PHLDB3: variants seen among roughly 807,000 people sequenced by gnomAD.
PHLDB3 encodes pleckstrin homology like domain family B member 3.
A neutral mutation model predicts 85.7 loss-of-function variants in PHLDB3; 86 were observed. The ratio of observed to expected loss-of-function variants is 1.00; its 90% CI spans 0.84 to 1.20. The LOEUF (loss-of-function observed/expected upper bound fraction) is 1.20, where lower values mean the gene tolerates loss of function less well. Among genes scored for constraint, PHLDB3 ranks in the 50% most tolerant of loss-of-function variants. PHLDB3 has a pLI of 0.00. For synonymous variants in PHLDB3, 376 were observed against 349.8 expected (o/e 1.07, Z -0.83); for missense variants, 995 against 873.0 (o/e 1.14, Z -1.76).
rs754699738 is a variant in PHLDB3, at chr19:43,486,713, C to T, written c.1341-17G>A. The stretch of plus-strand genomic sequence containing the variant: ...GCCCCACAGCTAGGAGGAGGGAACA[C>T]AGACGGGGTGGGTTACAGTGGCTGG... On this transcript the variant is annotated splice_polypyrimidine_tract_variant and intron_variant, in intron 11 of 15. Coordinates refer to ENST00000292140, the MANE Select transcript of PHLDB3 (RefSeq NM_198850.4). The T allele has an allele frequency of 1.2e-6, 2 of 1,613,622 alleles. No individual in the cohort carries two copies. Among genetic ancestry groups the T allele is most frequent in the African/African-American group, 1.3e-5 (1 of 74,928 alleles).
chr19:43,500,909 A>ACCCCCCCCCCCCC (rs1248570317), intron 4 of PHLDB3, among the ~76,000 whole-genome samples: 14 of 17,146 alleles, frequency 8.2e-4, no homozygotes, highest in Non-Finnish European at 1.0e-3. Context: ...CGCCCCCCGT[A>ACCCCCCCCCCCCC]CCCCCCCCCC....
chr19:43,475,241 C>T lies in PHLDB3; in HGVS notation c.*169G>A. ...CCGTCGGGGGCAAGGCACCTGCAAC[C>T]CAGAACGCAGCAGCTCAGGCCAGCT... is the stretch of plus-strand genomic sequence containing the variant. On this transcript the variant is annotated 3_prime_UTR_variant, in exon 16 of 16. Coordinates refer to ENST00000292140, the MANE Select transcript of PHLDB3 (RefSeq NM_198850.4). The T allele has an allele frequency of 2.1e-6, 2 of 965,692 alleles. No homozygotes were observed. The highest frequency in any genetic ancestry group is 1.8e-5 in the South Asian group (1 of 56,824). The allele number at this position is 965,692 out of a possible 1,614,324, so 59.8% of individuals were successfully genotyped here.
intron 9 of PHLDB3, among the ~76,000 whole-genome samples, chr19:43,494,146 G>A (rs1047880811): frequency 1.3e-5 from 2 of 152,026 alleles, no homozygotes; most frequent in Non-Finnish European, 2.9e-5. Context: ...TAATTCTCGT[G>A]CCTCAGCCCT....
chr19:43,493,521 G>A (rs1971371085), intron 9 of PHLDB3, among the ~76,000 whole-genome samples: 5 of 151,720 alleles, frequency 3.3e-5, no homozygotes, highest in Admixed American at 3.3e-4. Flanking sequence ...GTGCATGCCT[G>A]TGGTCCCAGC....
intron 10 of PHLDB3, 57 bp from the exon 11 acceptor site, chr19:43,486,927 A>T (rs975436473): frequency 2.0e-6 from 3 of 1,482,526 alleles, no homozygotes; most frequent in Non-Finnish European, 2.7e-6. Flanking sequence ...GAGCCTATCC[A>T]CTTCTCCCCT....
chr19:43,500,958 G>A (rs1363107867), intron 4 of PHLDB3, among the ~76,000 whole-genome samples: 3 of 131,424 alleles, frequency 2.3e-5, no homozygotes, highest in Non-Finnish European at 4.6e-5. Flanking sequence ...GAGCCACTTG[G>A]CCCAGCCTAA....
At position 43,497,188 on chromosome 19, in the gene PHLDB3, C is replaced by T. The variant is rs566239267; in HGVS notation, c.755G>A (p.Arg252Gln). 6.4e-6 allele frequency: 10 copies of T among 1,566,988 alleles called. No individual in the cohort carries two copies. Among genetic ancestry groups the T allele is most frequent in the East Asian group, 4.8e-5 (2 of 41,822 alleles). Residue 252 changes from arginine (R) to glutamine (Q), a missense_variant, in exon 6 of 16, where the codon CGG becomes CAG. Coordinates refer to ENST00000292140, the MANE Select transcript of PHLDB3 (RefSeq NM_198850.4). The stretch of plus-strand genomic sequence containing the variant: ...TGGCACCTGGGGCCCAGGGCTGTCC[C>T]GATCCTCCTCCTCCTGCCGGCTCTC... ...ERESRQEEEDRDSPGPQVPDP... is the reference protein window; with the variant it reads ...ERESRQEEEDQDSPGPQVPDP...
intron 8 of PHLDB3, 87 bp from the exon 9 acceptor site, chr19:43,494,902 G>A: frequency 1.1e-6 from 1 of 903,826 alleles, no homozygotes; most frequent in Non-Finnish European, 1.7e-6. Context: ...CATGCCTCTA[G>A]TGCCACCCAT....
chr19:43,479,735 G>C lies in PHLDB3; in HGVS notation c.1486-142C>G, dbSNP rs114090314. On this transcript the variant is annotated intron_variant, in intron 13 of 15. Coordinates refer to ENST00000292140, the MANE Select transcript of PHLDB3 (RefSeq NM_198850.4). ...AGGGTAATATTAACTAGGACCATCT[G>C]ACAAATGCAACGGCTACGTGGATTG... 9 of 629,566 alleles carry C rather than the reference G, an allele frequency of 1.4e-5. No homozygotes were observed. The East Asian group carries it at 2.5e-4, about 17-fold the overall frequency. The allele number at this position is 629,566 out of a possible 1,614,324, so 39.0% of individuals were successfully genotyped here. A position where few individuals can be genotyped will look rare whatever the true frequency, so the allele number is the denominator to read the frequency against.
chr19:43,492,284 A>C (rs1302819943), intron 9 of PHLDB3, among the ~76,000 whole-genome samples: 1 of 151,824 alleles, frequency 6.6e-6, no homozygotes, highest in African/African-American at 2.4e-5. Context: ...ATGGGGTTTC[A>C]CCAAGTTGGC....
intron 13 of PHLDB3, among the ~76,000 whole-genome samples, chr19:43,484,109 G>A (rs1226410780): frequency 6.6e-6 from 1 of 151,858 alleles, no homozygotes; most frequent in Admixed American, 6.6e-5. Context: ...AAATTAGCCA[G>A]GCATGGTGGT....
intron 9 of PHLDB3, among the ~76,000 whole-genome samples, chr19:43,491,594 T>A (rs1599948074): frequency 6.6e-6 from 1 of 150,960 alleles, no homozygotes; most frequent in East Asian, 2.0e-4. Context: ...CTCCATCTCC[T>A]GGGTTCAAAC....
At position 43,475,180 on chromosome 19, in the gene PHLDB3, C is replaced by A; in HGVS notation, c.*230G>T. The A allele has an allele frequency of 1.9e-6, 1 of 532,172 alleles. No individual in the cohort carries two copies. The highest frequency in any genetic ancestry group is 3.3e-6 in the Non-Finnish European group (1 of 301,268). The allele number at this position is 532,172 out of a possible 1,614,324, so 33.0% of individuals were successfully genotyped here. On this transcript the variant is annotated 3_prime_UTR_variant, in exon 16 of 16. Coordinates refer to ENST00000292140, the MANE Select transcript of PHLDB3 (RefSeq NM_198850.4). The stretch of plus-strand genomic sequence containing the variant: ...GTTTCTTCCCGCCCCTGCAATCTTC[C>A]TCCTGCCCCGGGCAGGGCCTTAGGG...
intron 8 of PHLDB3, 73 bp from the exon 9 acceptor site, chr19:43,494,888 G>T (rs1971407596): frequency 2.1e-5 from 24 of 1,118,372 alleles, no homozygotes; most frequent in Non-Finnish European, 3.0e-5. Flanking sequence ...CACGTGCTCT[G>T]GCCCATGCCT....
intron 2 of PHLDB3, among the ~76,000 whole-genome samples, chr19:43,503,280 G>GTCTCTCTCTCTCTCTCTCTCTCTC (rs57901463): frequency 3.5e-5 from 5 of 141,888 alleles, no homozygotes; most frequent in Admixed American, 7.1e-5. Flanking sequence ...TGTCTATCTG[G>GTCTCTCTCTCTCTCTCTCTCTCTC]TCTCTCTCTC....
At chr19:43,486,481 C>T in intron 12 of PHLDB3, 128 bp downstream of exon 12, 2 of 1,308,140 alleles carry the variant, frequency 1.5e-6, no homozygotes, top group Non-Finnish European at 2.1e-6. Flanking sequence ...ACTCCTGGGT[C>T]TGAGGGTGGA....
At position 43,486,773 on chromosome 19, in the gene PHLDB3, G is replaced by A; in HGVS notation, c.1340+7C>T. The A allele has an allele frequency of 6.2e-7, 1 of 1,607,510 alleles. No homozygotes were observed. The highest frequency in any genetic ancestry group is 8.5e-7 in the Non-Finnish European group (1 of 1,176,158). ...TCCATCTCCCCACCTTCTCTCTGAT[G>A]TCTCACCTATTCCCACGGCCACAGT... On this transcript the variant is annotated splice_region_variant and intron_variant, in intron 11 of 15. Transcript: ENST00000292140.
At chr19:43,476,280 C>T (rs890500226) in intron 15 of PHLDB3, among the ~76,000 whole-genome samples, 1 of 152,162 alleles carries the variant, frequency 6.6e-6, no homozygotes, top group African/African-American at 2.4e-5. Context: ...TCCCTTATGT[C>T]CATAATCTGT....
intron 15 of PHLDB3, 45 bp downstream of exon 15, chr19:43,478,002 C>T (rs897102710): frequency 6.6e-7 from 1 of 1,512,924 alleles, no homozygotes; most frequent in Non-Finnish European, 9.2e-7. Context: ...CTGACTCCAA[C>T]TGAGTCTCCA....
Sources: gnomAD v4.1 joint callset for allele counts (sites outside exome capture counted in the v4.1 genomes callset) on GRCh38, gnomAD v4.1.1 for gene constraint, MANE v1.5 for transcripts, NCBI Gene and HGNC (gene_info 2026-07-23, HGNC 2026-07-21) for gene names.